The following NPNT variants were observed in gnomAD, a reference collection of about 807,000 sequenced individuals.
NPNT encodes nephronectin.
A neutral mutation model predicts 68.6 loss-of-function variants in NPNT; 45 were observed. The ratio of observed to expected loss-of-function variants is 0.66; its 90% CI spans 0.52 to 0.84. The LOEUF is 0.84. NPNT is among the 40% of genes least tolerant of loss of function. The pLI is 0.00. For missense variants in NPNT, 672 were observed against 714.8 expected, an observed-to-expected ratio of 0.94 and a Z score of 0.68; for synonymous variants, 233 against 253.3, an observed-to-expected ratio of 0.92 and a Z score of 0.76.
In NPNT at chr4:105,967,454, T is replaced by A. The variant is rs1413438090; in HGVS notation, c.1602+10T>A. 6.5e-7 allele frequency: 1 copy of A among 1,544,698 alleles called. No homozygotes were observed. Among genetic ancestry groups the A allele is most frequent in the South Asian group, 1.3e-5 (1 of 78,696 alleles). ...GGCTGACATCAAGAGCGTAAGTAGA[T>A]CCACAAAGGAGGCAGGACCTGGGAC... On this transcript the variant is annotated intron_variant, in intron 11 of 11. Transcript: ENST00000379987.
intron 2 of NPNT, among the ~76,000 whole-genome samples, chr4:105,924,047 C>G (rs1317062813): frequency 6.6e-6 from 1 of 151,752 alleles, no homozygotes; most frequent in Non-Finnish European, 1.5e-5. Context: ...GCGCCCCCCC[C>G]CCACCACTTT....
Position 105,938,314 on chromosome 4 carries a change from C to A in NPNT, c.399C>A (p.Cys133Ter). ...PDGSCSSALT[C>*]SMANCQYGCD... ...CTCTCTTTCCAGGTGCCCTGACCTGCTCCATGGCAAACTGTCAGTATGGCT... is the reference window on the plus strand; with the variant it reads ...CTCTCTTTCCAGGTGCCCTGACCTGATCCATGGCAAACTGTCAGTATGGCT... The change falls in exon 5 of 12, where the codon TGC (cysteine) becomes TGA (stop). Residue 133 changes from cysteine (C) to a stop codon, truncating the protein, a stop_gained. Coordinates refer to ENST00000379987, the MANE Select transcript of NPNT (RefSeq NM_001033047.3). LOFTEE classifies it high-confidence loss of function. 6.2e-7 allele frequency: 1 copy of A among 1,613,570 alleles called. No homozygotes were observed. The highest frequency in any genetic ancestry group is 8.5e-7 in the Non-Finnish European group (1 of 1,179,646).
chr4:105,939,472 A>G (rs1292272221), intron 5 of NPNT, among the ~76,000 whole-genome samples: 2 of 152,204 alleles, frequency 1.3e-5, no homozygotes, highest in Non-Finnish European at 2.9e-5. Flanking sequence ...CAGGGCCTTC[A>G]AGGACACAGG....
intron 3 of NPNT, among the ~76,000 whole-genome samples, chr4:105,928,928 C>T (rs1728900131): frequency 6.9e-5 from 2 of 29,120 alleles, no homozygotes; most frequent in Admixed American, 4.8e-4. Flanking sequence ...GATTTATAGA[C>T]ACAGTTTTTT....
At chr4:105,940,352 G>T in intron 6 of NPNT, 143 bp downstream of exon 6, 1 of 1,016,230 alleles carries the variant, frequency 9.8e-7, no homozygotes, top group East Asian at 2.4e-5. Flanking sequence ...TTAACCACTG[G>T]TAGTTCTCAG....
intron 3 of NPNT, among the ~76,000 whole-genome samples, chr4:105,931,000 G>A (rs1308956223): frequency 3.3e-5 from 5 of 152,128 alleles, no homozygotes; most frequent in Non-Finnish European, 7.3e-5. Flanking sequence ...TTAACATACT[G>A]TACTCTACAA....
intron 3 of NPNT, 98 bp downstream of exon 3, chr4:105,927,526 T>A: frequency 1.7e-6 from 1 of 581,484 alleles, no homozygotes; most frequent in Non-Finnish European, 3.0e-6. Flanking sequence ...ATGGCTATTT[T>A]TCCAAAATAT....
At chr4:105,965,984 C>G (rs1223477619) in intron 10 of NPNT, among the ~76,000 whole-genome samples, 1 of 151,278 alleles carries the variant, frequency 6.6e-6, no homozygotes, top group Non-Finnish European at 1.5e-5. Context: ...CAGAAATCAC[C>G]TGTGACCTAT....
intron 11 of NPNT, among the ~76,000 whole-genome samples, chr4:105,968,353 G>A (rs1211318492): frequency 1.3e-5 from 2 of 152,128 alleles, no homozygotes; most frequent in Non-Finnish European, 2.9e-5. Context: ...TGTTTTATAA[G>A]GAGCAAGGAT....
chr4:105,940,128 G>A lies in NPNT; in HGVS notation c.559G>A (p.Val187Ile). The part of the protein sequence containing the change: ...RASCPRFRQC[V>I]NTFGSYICKC... ...CTCCTGCCCTAGATTTAGGCAATGT[G>A]TCAACACTTTTGGGAGCTACATCTG... The change falls in exon 6 of 12, where the codon GTC becomes ATC. Residue 187 changes from valine (V) to isoleucine (I), a missense_variant. Val to Ile is a conservative substitution (Grantham distance 29). Transcript: ENST00000379987. 1 of 1,612,660 alleles carries A rather than the reference G, an allele frequency of 6.2e-7. No individual in the cohort carries two copies. Among genetic ancestry groups the A allele is most frequent in the Non-Finnish European group, 8.5e-7 (1 of 1,178,738 alleles).
chr4:105,970,180 A>G lies in NPNT; in HGVS notation c.*1190A>G, dbSNP rs576036937. ...GGAAGCAAGTCCCATGCTTAGAGGC[A>G]TGGGATGTGTTGGAACGGGATTTAC... On this transcript the variant is annotated 3_prime_UTR_variant, in exon 12 of 12. Coordinates refer to ENST00000379987, the MANE Select transcript of NPNT (RefSeq NM_001033047.3). The G allele has an allele frequency of 4.5e-5, 24 of 529,022 alleles. No homozygotes were observed. Among genetic ancestry groups the G allele is most frequent in the Non-Finnish European group, 4.4e-5 (13 of 293,258 alleles). The allele number at this position is 529,022 out of a possible 1,614,324, so 32.8% of individuals were successfully genotyped here.
At chr4:105,902,811 G>C (rs1175730653) in intron 2 of NPNT, 10 of 152,280 alleles carry the variant, frequency 6.6e-5, no homozygotes, top group African/African-American at 2.4e-4. Context: ...TTGTTAGTAT[G>C]TGTAGTCTTC....
chr4:105,968,777 C>T, intron 11 of NPNT, 118 bp from the exon 12 acceptor site: 1 of 576,540 alleles, frequency 1.7e-6, no homozygotes, highest in South Asian at 2.3e-5. Context: ...TGTTTTTTTC[C>T]TCCTGCAAAA....
intron 2 of NPNT, among the ~76,000 whole-genome samples, chr4:105,923,926 C>G (rs1163559680): frequency 1.3e-5 from 2 of 151,996 alleles, no homozygotes; most frequent in African/African-American, 4.8e-5. Flanking sequence ...TCCAGCTGGC[C>G]TTTTGTGATC....
intron 10 of NPNT, among the ~76,000 whole-genome samples, chr4:105,965,884 A>T (rs1048449397): frequency 6.6e-6 from 1 of 152,158 alleles, no homozygotes; most frequent in Admixed American, 6.5e-5. Flanking sequence ...GGTAACACAG[A>T]GGTTTGGGGG....
Position 105,958,508 on chromosome 4 carries a change from T to G in NPNT, c.1197T>G (p.Phe399Leu). The G allele has an allele frequency of 1.2e-6, 2 of 1,612,176 alleles. No homozygotes were observed. The highest frequency in any genetic ancestry group is 1.7e-6 in the Non-Finnish European group (2 of 1,178,876). The change falls in exon 9 of 12, where the codon TTT becomes TTG. Residue 399 changes from phenylalanine (F) to leucine (L), a missense_variant. Coordinates refer to ENST00000379987, the MANE Select transcript of NPNT (RefSeq NM_001033047.3). ...CTTCAAATGACTTGTTTGAAATATTTGAAATAGAAAGAGGAGTCAGTGCAG... is the reference window on the plus strand; with the variant it reads ...CTTCAAATGACTTGTTTGAAATATTGGAAATAGAAAGAGGAGTCAGTGCAG... Reference protein sequence around the residue: ...RQPSNDLFEIFEIERGVSADD... With the variant: ...RQPSNDLFEILEIERGVSADD...
intron 2 of NPNT, among the ~76,000 whole-genome samples, chr4:105,913,359 G>T (rs1727532488): frequency 6.6e-6 from 1 of 152,232 alleles, no homozygotes; most frequent in Non-Finnish European, 1.5e-5. Flanking sequence ...GGATTGACTA[G>T]TAGAGCTATG....
chr4:105,947,316 G>A (rs1280095002), intron 8 of NPNT, among the ~76,000 whole-genome samples: 1 of 152,154 alleles, frequency 6.6e-6, no homozygotes, highest in Admixed American at 6.5e-5. Flanking sequence ...TAGTGGTCCT[G>A]AGGTGACATA....
intron 2 of NPNT, among the ~76,000 whole-genome samples, chr4:105,905,214 T>A (rs1726790303): frequency 6.6e-6 from 1 of 152,192 alleles, no homozygotes; most frequent in South Asian, 2.1e-4. Flanking sequence ...ATACTTTTTG[T>A]AGTGTCCTTA....
Sources: allele counts gnomAD v4.1 joint callset (sites outside exome capture counted in the v4.1 genomes callset), GRCh38; gene constraint gnomAD v4.1.1; transcripts MANE v1.5; gene names NCBI Gene and HGNC (gene_info 2026-07-23, HGNC 2026-07-21).